LATS2: variants seen among roughly 807,000 people sequenced by gnomAD.
LATS2 encodes serine/threonine-protein kinase LATS2.
In LATS2, 24 loss-of-function variants were observed where a neutral mutation model predicts 76.0. The observed-to-expected ratio is 0.32, with a 90% CI of 0.23 to 0.44. The LOEUF is 0.44. Ranked by LOEUF, LATS2 falls within the 20% of genes least tolerant of loss-of-function variation. The pLI is 1.00. For missense variants in LATS2, 1,286 were observed against 1,481.2 expected, an observed-to-expected ratio of 0.87 and a Z score of 2.16; for synonymous variants, 692 against 635.4, an observed-to-expected ratio of 1.09 and a Z score of -1.34.
In LATS2 at chr13:20,991,198, C is replaced by A. The variant is rs568681088; in HGVS notation, c.475+74G>T. The A allele has an allele frequency of 1.1e-5, 17 of 1,578,870 alleles. No individual in the cohort carries two copies. The South Asian group carries it at 2.0e-4, about 18-fold the overall frequency. ...TCTGGCCAGGCCAGGCCAGGTTGGA[C>A]CCCTCTGCACGTGGTTTTGTTGTCC... On this transcript the variant is annotated intron_variant, in intron 3 of 7. Coordinates refer to ENST00000382592, the MANE Select transcript of LATS2 (RefSeq NM_014572.3). This position sits in a 1 kb window ranked among gnomAD's most constrained non-coding sequence, Gnocchi z 4.9.
At chr13:21,025,827 G>A (rs1355031471) in intron 2 of LATS2, among the ~76,000 whole-genome samples, 2 of 152,202 alleles carry the variant, frequency 1.3e-5, no homozygotes, top group East Asian at 1.9e-4. Context: ...AAGCAGAGCT[G>A]TGGAGATGCT....
chr13:21,032,149 G>C (rs1268108161), intron 2 of LATS2, among the ~76,000 whole-genome samples: 1 of 152,158 alleles, frequency 6.6e-6, no homozygotes, highest in African/African-American at 2.4e-5. Flanking sequence ...ATAATACGTT[G>C]CAGCAACACT....
intron 1 of LATS2, among the ~76,000 whole-genome samples, chr13:21,051,948 C>T (rs183063631): frequency 5.3e-5 from 8 of 152,224 alleles, no homozygotes; most frequent in Non-Finnish European, 1.0e-4. Flanking sequence ...CAGAGCAAGA[C>T]CCTGTTTAAA....
intron 2 of LATS2, among the ~76,000 whole-genome samples, chr13:20,999,978 C>T (rs1157454134): frequency 6.6e-6 from 1 of 151,678 alleles, no homozygotes; most frequent in Non-Finnish European, 1.5e-5. Flanking sequence ...TGCAGTGAGT[C>T]AAGATCACGC....
At chr13:21,038,413 G>A (rs1230723218) in intron 2 of LATS2, 2 of 151,724 alleles carry the variant, frequency 1.3e-5, no homozygotes, top group African/African-American at 2.4e-5. Context: ...CTGTTGCCCA[G>A]GCTGGCCTTG....
At position 20,975,085 on chromosome 13, in the gene LATS2, T is replaced by C; in HGVS notation, c.3052A>G (p.Ser1018Gly). ...ESPWNDASEG[S>G]TKAWDTLTSP... ...GTGAGTGTGTCCCAGGCCTTGGTGC[T>C]ACCTTCGCTGGCATCGTTCCAAGGG... Residue 1018 changes from serine (S) to glycine (G), a missense_variant, in exon 8 of 8, where the codon AGC (serine) becomes GGC (glycine). Ser to Gly is a moderately conservative substitution (Grantham distance 56). This residue lies in a region of LATS2 where 210 missense variants were observed against 234.9 expected (regional missense o/e 0.89). Coordinates refer to ENST00000382592, the MANE Select transcript of LATS2 (RefSeq NM_014572.3). The C allele has an allele frequency of 6.2e-7, 1 of 1,614,226 alleles. No individual in the cohort carries two copies. Among genetic ancestry groups the C allele is most frequent in the Non-Finnish European group, 8.5e-7 (1 of 1,180,018 alleles).
At chr13:21,030,505 C>T (rs1425428157) in intron 2 of LATS2, among the ~76,000 whole-genome samples, 3 of 145,106 alleles carry the variant, frequency 2.1e-5, no homozygotes, top group East Asian at 2.1e-4. Context: ...AGGAGAATGG[C>T]GTGAACCTGG....
At chr13:20,985,294 G>T (rs1235398057) in intron 4 of LATS2, among the ~76,000 whole-genome samples, 6 of 152,206 alleles carry the variant, frequency 3.9e-5, no homozygotes, top group African/African-American at 1.4e-4. Context: ...AAAAGCTTCT[G>T]CAGAGCAAAG....
intron 1 of LATS2, among the ~76,000 whole-genome samples, chr13:21,059,824 G>C (rs1873568668): frequency 6.6e-6 from 1 of 151,826 alleles, no homozygotes; most frequent in African/African-American, 2.4e-5. Flanking sequence ...AAATTAGCTG[G>C]GCTGGTGGCG....
chr13:20,989,963 C>T (rs1412018928), intron 3 of LATS2, among the ~76,000 whole-genome samples: 2 of 152,320 alleles, frequency 1.3e-5, no homozygotes, highest in Admixed American at 6.5e-5. Flanking sequence ...AAACAGACAC[C>T]GGAAGGAAGG....
chr13:21,053,712 G>A (rs928453689), intron 1 of LATS2, among the ~76,000 whole-genome samples: 6 of 152,106 alleles, frequency 3.9e-5, no homozygotes, highest in Admixed American at 6.5e-5. Context: ...AACAAAAGTC[G>A]CAGAACTATG....
chr13:21,004,484 C>T (rs530705023), intron 2 of LATS2, among the ~76,000 whole-genome samples: 42 of 149,226 alleles, frequency 2.8e-4, no homozygotes, highest in Non-Finnish European at 4.3e-4. Context: ...CAAATTTTAA[C>T]AGTATACATC....
intron 2 of LATS2, among the ~76,000 whole-genome samples, chr13:21,000,254 G>A (rs1282845939): frequency 6.6e-6 from 1 of 151,486 alleles, no homozygotes; most frequent in African/African-American, 2.4e-5. Context: ...GGTAGCATGC[G>A]CCTGTAGCCC....
intron 7 of LATS2, among the ~76,000 whole-genome samples, chr13:20,975,990 TA>T (rs1276335321): frequency 6.6e-6 from 1 of 152,192 alleles, no homozygotes; most frequent in Non-Finnish European, 1.5e-5. Flanking sequence ...CTCATTCAAA[TA>T]CTTATTGCGG....
intron 2 of LATS2, among the ~76,000 whole-genome samples, chr13:21,020,214 A>G (rs750989061): frequency 3.9e-5 from 6 of 152,174 alleles, no homozygotes; most frequent in Non-Finnish European, 8.8e-5. Flanking sequence ...TCTTCATCAA[A>G]GCAAGGAGCT....
chr13:20,977,545 T>A (rs1326251299), intron 7 of LATS2, among the ~76,000 whole-genome samples: 1 of 151,982 alleles, frequency 6.6e-6, no homozygotes, highest in East Asian at 1.9e-4. Context: ...GGTTGCACAA[T>A]ATTGTGAATG....
rs112851235 is a variant in LATS2, at chr13:20,993,469, C to T, written c.343-2065G>A. 7.6e-3 allele frequency among the ~76,000 whole-genome samples: 1,155 copies of T among 152,214 alleles called. 10 individuals carry two copies. Among genetic ancestry groups the T allele is most frequent in the Admixed American group, 0.011 (168 of 15,292 alleles). ...GTGTTCTTAGCAATGCAGGCGTGGG[C>T]ATGGCAAGATGGCAGGGACAGGCAA... On this transcript the variant is annotated intron_variant, in intron 2 of 7. Transcript: ENST00000382592.
intron 2 of LATS2, among the ~76,000 whole-genome samples, chr13:21,009,297 A>G (rs1275533598): frequency 6.6e-6 from 1 of 152,152 alleles, no homozygotes; most frequent in Non-Finnish European, 1.5e-5. Flanking sequence ...TTCAACCCGG[A>G]GCCTTGGAGC....
chr13:21,015,634 T>G (rs1273220367), intron 2 of LATS2, among the ~76,000 whole-genome samples: 3 of 152,222 alleles, frequency 2.0e-5, no homozygotes, highest in Non-Finnish European at 2.9e-5. Context: ...ATTAATTTGA[T>G]TTTTTACAAC....
Sources: allele counts gnomAD v4.1 joint callset (sites outside exome capture counted in the v4.1 genomes callset), GRCh38; gene constraint gnomAD v4.1.1; regional missense constraint gnomAD v4.1.1; non-coding constraint Gnocchi (gnomAD v3.1); transcripts MANE v1.5; gene names NCBI Gene and HGNC (gene_info 2026-07-23, HGNC 2026-07-21).